STK32B: variants seen among roughly 807,000 people sequenced by gnomAD.
STK32B encodes serine/threonine-protein kinase 32B.
Under a neutral mutation model 52.6 loss-of-function variants are expected in STK32B, and 43 were observed. The ratio of observed to expected loss-of-function variants is 0.82; its 90% CI spans 0.64 to 1.05. STK32B has a LOEUF of 1.05. STK32B is among the 50% of genes least tolerant of loss of function. The pLI, the probability that STK32B is intolerant of heterozygous loss-of-function variation, is 0.00. For synonymous variants in STK32B, 238 were observed against 204.3 expected (o/e 1.17, Z -1.41); for missense variants, 621 against 534.6 (o/e 1.16, Z -1.59).
At chr4:5,268,541 GTGTGTGTGTGTGT>G (rs1560274140) in intron 3 of STK32B, among the ~76,000 whole-genome samples, 1 of 6,788 alleles carries the variant, frequency 1.5e-4, no homozygotes, top group African/African-American at 1.7e-3. Flanking sequence ...TTGGTGTGGT[GTGTGTGTGTGTGT>G]GTGTGTGTGT....
At chr4:5,139,222 A>G (rs1716256739) in intron 1 of STK32B, among the ~76,000 whole-genome samples, 1 of 152,200 alleles carries the variant, frequency 6.6e-6, no homozygotes, top group Admixed American at 6.5e-5. Context: ...GATGAGTCCC[A>G]GGTTTTGCAC....
intron 1 of STK32B, among the ~76,000 whole-genome samples, chr4:5,078,888 G>A (rs990019261): frequency 1.3e-5 from 2 of 152,176 alleles, no homozygotes; most frequent in Non-Finnish European, 2.9e-5. Flanking sequence ...TGCTAGCACC[G>A]GTTTTAGTGT....
intron 3 of STK32B, among the ~76,000 whole-genome samples, chr4:5,247,421 A>G (rs1277690157): frequency 6.6e-6 from 1 of 152,222 alleles, no homozygotes; most frequent in African/African-American, 2.4e-5. Flanking sequence ...GCCTGTTGGA[A>G]GAGCGCAGTG....
At chr4:5,161,607 C>T (rs1013473224) in intron 2 of STK32B, among the ~76,000 whole-genome samples, 2 of 152,120 alleles carry the variant, frequency 1.3e-5, no homozygotes, top group East Asian at 3.9e-4. Flanking sequence ...ACTAACATCT[C>T]CTTGGCTAGA....
intron 1 of STK32B, among the ~76,000 whole-genome samples, chr4:5,112,583 G>A (rs1045417899): frequency 7.2e-5 from 11 of 152,160 alleles, no homozygotes; most frequent in Admixed American, 2.0e-4. Flanking sequence ...CCCACATAGG[G>A]AGTCAGTCTG....
chr4:5,151,895 C>A (rs1375696095), intron 2 of STK32B, among the ~76,000 whole-genome samples: 1 of 152,162 alleles, frequency 6.6e-6, no homozygotes, highest in African/African-American at 2.4e-5. Flanking sequence ...GACATTCCTT[C>A]CCCTTGGAGA....
chr4:5,255,446 A>G (rs1281735247), intron 3 of STK32B, among the ~76,000 whole-genome samples: 2 of 152,138 alleles, frequency 1.3e-5, no homozygotes, highest in Non-Finnish European at 2.9e-5. Context: ...TTTAGGTAAC[A>G]TACATACAGC....
rs930596745 is a variant in STK32B, at chr4:5,058,191, C to A, written c.52+6276C>A. ...ATATAAATATCTCATTCTTTCAGTG[C>A]GGGACATTATCCTGTTTCAACGTGG... is the stretch of plus-strand genomic sequence containing the variant. On this transcript the variant is annotated intron_variant, in intron 1 of 11. Coordinates refer to ENST00000282908, the MANE Select transcript of STK32B (RefSeq NM_018401.3). This position sits in a 1 kb window ranked among gnomAD's most constrained non-coding sequence, Gnocchi z 4.8. Among the ~76,000 whole-genome samples the A allele has an allele frequency of 6.6e-6, 1 of 152,176 alleles. No homozygotes were observed. Among genetic ancestry groups the A allele is most frequent in the Non-Finnish European group, 1.5e-5 (1 of 68,024 alleles).
chr4:5,064,014 T>G (rs1461991385), intron 1 of STK32B, among the ~76,000 whole-genome samples: 2 of 152,126 alleles, frequency 1.3e-5, no homozygotes, highest in African/African-American at 4.8e-5. Flanking sequence ...CTTCTTTGAT[T>G]GACTTGTGGC....
At chr4:5,233,106 T>C (rs537261722) in intron 3 of STK32B, among the ~76,000 whole-genome samples, 10 of 152,144 alleles carry the variant, frequency 6.6e-5, no homozygotes, top group Non-Finnish European at 1.3e-4. Context: ...GATGCATCAG[T>C]CTGTTTGCTC....
chr4:5,419,212 A>G (rs1365253825), intron 6 of STK32B, among the ~76,000 whole-genome samples: 2 of 152,196 alleles, frequency 1.3e-5, no homozygotes, highest in Admixed American at 6.5e-5. Flanking sequence ...TAGCGTTCCT[A>G]ACTTAACAGA....
rs560772244 is a variant in STK32B at position 5,311,912 on chromosome 4, A to G, written c.261-19308A>G. ...GAGAAGTGCATACTTTTATATATAT[A>G]TATTTTTTTTTAAAGTTTATTCTTA... On this transcript the variant is annotated intron_variant, in intron 3 of 11. Transcript: ENST00000282908. Among the ~76,000 whole-genome samples the G allele has an allele frequency of 3.4e-5, 5 of 145,916 alleles. No individual in the cohort carries two copies. The East Asian group carries it at 9.8e-4, about 29-fold the overall frequency.
chr4:5,373,408 A>T (rs1238099295), intron 4 of STK32B, among the ~76,000 whole-genome samples: 1 of 152,312 alleles, frequency 6.6e-6, no homozygotes, highest in South Asian at 2.1e-4. Context: ...TTTCAGTTTG[A>T]GTCCGAAGGT....
intron 4 of STK32B, among the ~76,000 whole-genome samples, chr4:5,353,659 C>A (rs1370171336): frequency 2.6e-5 from 4 of 152,028 alleles, no homozygotes; most frequent in Non-Finnish European, 5.9e-5. Flanking sequence ...CACTAATCAT[C>A]AGGGAAATGA....
At chr4:5,298,109 C>T (rs184466216) in intron 3 of STK32B, among the ~76,000 whole-genome samples, 3 of 152,306 alleles carry the variant, frequency 2.0e-5, no homozygotes, top group African/African-American at 4.8e-5. Context: ...GTATCACCAG[C>T]GGAGCCTGCA....
At chr4:5,442,665 T>C (rs2109112751) in intron 6 of STK32B, among the ~76,000 whole-genome samples, 1 of 152,232 alleles carries the variant, frequency 6.6e-6, no homozygotes, top group Non-Finnish European at 1.5e-5. Flanking sequence ...AGCTGGTTAT[T>C]TTGCTCGTTA....
intron 9 of STK32B, among the ~76,000 whole-genome samples, chr4:5,462,839 A>G (rs1717140110): frequency 6.6e-6 from 1 of 152,198 alleles, no homozygotes; most frequent in African/African-American, 2.4e-5. Flanking sequence ...GCATCCCCTG[A>G]GGATAAAGTT....
At chr4:5,282,268 G>A (rs116437208) in intron 3 of STK32B, among the ~76,000 whole-genome samples, 439 of 152,106 alleles carry the variant, frequency 2.9e-3, no homozygotes, top group African/African-American at 9.3e-3. Flanking sequence ...ATCTGCAGAG[G>A]ATTGATTCCA....
At chr4:5,043,771 G>C in the STK32B span, among the ~76,000 whole-genome samples, 1 of 152,228 alleles carries the variant, frequency 6.6e-6, no homozygotes, top group African/African-American at 2.4e-5. Flanking sequence ...CCTGTTGGCT[G>C]GAACTTAGTC....
Sources: allele counts gnomAD v4.1 joint callset (sites outside exome capture counted in the v4.1 genomes callset), GRCh38; gene constraint gnomAD v4.1.1; non-coding constraint Gnocchi (gnomAD v3.1); transcripts MANE v1.5; gene names NCBI Gene and HGNC (gene_info 2026-07-23, HGNC 2026-07-21).